Variants in TEAD1 observed in about 807,000 individuals in gnomAD.
The protein encoded by TEAD1 is transcriptional enhancer factor TEF-1.
A neutral mutation model predicts 54.9 loss-of-function variants in TEAD1; 9 were observed. The observed-to-expected ratio is 0.16, with a 90% CI of 0.10 to 0.29. The LOEUF (loss-of-function observed/expected upper bound fraction) is 0.29, where lower values mean the gene tolerates loss of function less well. Among genes scored for constraint, TEAD1 ranks in the 10% least tolerant of loss-of-function variants. The pLI is 1.00. For synonymous variants in TEAD1, 200 were observed against 187.8 expected, an observed-to-expected ratio of 1.07 and a Z score of -0.53; for missense variants, 387 against 535.9, an observed-to-expected ratio of 0.72 and a Z score of 2.74.
chr11:12,787,503 T>C, intron 3 of TEAD1, among the ~76,000 whole-genome samples: 1 of 152,164 alleles, frequency 6.6e-6, no homozygotes, highest in East Asian at 1.9e-4. Flanking sequence ...TAAAAATACA[T>C]CATTTTTTGA....
intron 2 of TEAD1, among the ~76,000 whole-genome samples, chr11:12,714,192 A>G (rs1269054980): frequency 6.6e-6 from 1 of 152,024 alleles, no homozygotes. Context: ...GAAGGTTCCC[A>G]AGCAGTCACA....
rs533011981 is a variant in TEAD1, at chr11:12,772,891, G to A, written c.202+8457G>A. ...TCTTGTGCAGGTTCATGTCTCCACC[G>A]CCACAATCAGAATACAGAACAGCTC... On this transcript the variant is annotated intron_variant, in intron 3 of 12. Coordinates refer to ENST00000527636, the MANE Select transcript of TEAD1 (RefSeq NM_021961.6). Among the ~76,000 whole-genome samples the A allele has an allele frequency of 2.3e-4, 35 of 152,224 alleles. 1 individual carries two copies. Among genetic ancestry groups the A allele is most frequent in the African/African-American group, 3.9e-4 (16 of 41,530 alleles).
At position 12,913,496 on chromosome 11, in the gene TEAD1, A is replaced by G. The variant is rs149828032; in HGVS notation, c.873+11383A>G. 3.3e-5 allele frequency among the ~76,000 whole-genome samples: 5 copies of G among 152,316 alleles called. No homozygotes were observed. The East Asian group carries it at 5.8e-4, about 18-fold the overall frequency. ...TTTACTAAAAAGGGATTATGCTCCA[A>G]GTGTTTCCTGCAACTTCATTTTCCC... On this transcript the variant is annotated intron_variant, in intron 10 of 12. Transcript: ENST00000527636.
chr11:12,898,951 A>C (rs920747803), intron 9 of TEAD1, among the ~76,000 whole-genome samples: 1 of 152,106 alleles, frequency 6.6e-6, no homozygotes. Context: ...TGACCTGTAG[A>C]TGTCAGGGCC....
chr11:12,723,608 C>T (rs1309180707), intron 2 of TEAD1, among the ~76,000 whole-genome samples: 14 of 152,126 alleles, frequency 9.2e-5, no homozygotes, highest in Non-Finnish European at 1.8e-4. Flanking sequence ...TGTTCTTTCC[C>T]TCTACCATCC....
chr11:12,859,750 G>A (rs1418891532), intron 3 of TEAD1, among the ~76,000 whole-genome samples: 9 of 152,118 alleles, frequency 5.9e-5, no homozygotes, highest in Admixed American at 5.9e-4. Context: ...GGGATGAAAT[G>A]GAGTAGAAAA....
chr11:12,852,980 T>G (rs1354430787), intron 3 of TEAD1, among the ~76,000 whole-genome samples: 21 of 152,242 alleles, frequency 1.4e-4, no homozygotes, highest in Admixed American at 1.4e-3. Flanking sequence ...ACTAAGTGAC[T>G]TGTTTTTAAT....
In TEAD1 at chr11:12,944,674, C is replaced by G. The variant is rs1466624935; in HGVS notation, c.*7452C>G. ...TGATAAAGTGGTAGACATTTTGTAG[C>G]TTTCTAGAAACTTTGTATTCATACG... On this transcript the variant is annotated 3_prime_UTR_variant, in exon 13 of 13. Transcript: ENST00000527636. Among the ~76,000 whole-genome samples the G allele has an allele frequency of 6.6e-6, 1 of 152,068 alleles. No homozygotes were observed. The highest frequency in any genetic ancestry group is 1.5e-5 in the Non-Finnish European group (1 of 68,018).
chr11:12,930,461 C>A, intron 12 of TEAD1, 135 bp downstream of exon 12: 1 of 1,062,728 alleles, frequency 9.4e-7, no homozygotes, highest in Non-Finnish European at 1.4e-6. Flanking sequence ...TCCTAGTGGT[C>A]AGTCAGCAGT....
At chr11:12,702,702 G>A (rs1943728360) in intron 2 of TEAD1, among the ~76,000 whole-genome samples, 1 of 151,964 alleles carries the variant, frequency 6.6e-6, no homozygotes, top group Non-Finnish European at 1.5e-5. Flanking sequence ...TTCCCTGGAA[G>A]CTACTTCCGT....
At chr11:12,715,610 G>T (rs985363395) in intron 2 of TEAD1, among the ~76,000 whole-genome samples, 13 of 152,134 alleles carry the variant, frequency 8.5e-5, no homozygotes, top group African/African-American at 2.9e-4. Flanking sequence ...AGGCCTACTG[G>T]CATGGAGACC....
chr11:12,715,040 A>G (rs1944026665), intron 2 of TEAD1, among the ~76,000 whole-genome samples: 1 of 152,168 alleles, frequency 6.6e-6, no homozygotes, highest in Non-Finnish European at 1.5e-5. Flanking sequence ...AAGTGTCAGT[A>G]TGTGTCAGGC....
intron 2 of TEAD1, among the ~76,000 whole-genome samples, chr11:12,760,750 G>T (rs1353477879): frequency 6.6e-6 from 1 of 152,180 alleles, no homozygotes; most frequent in Non-Finnish European, 1.5e-5. Context: ...TACTCTCAGA[G>T]CCTGTAGATA....
intron 2 of TEAD1, among the ~76,000 whole-genome samples, chr11:12,701,671 A>T (rs1036091697): frequency 6.6e-6 from 1 of 152,122 alleles, no homozygotes; most frequent in African/African-American, 2.4e-5. Context: ...ACTGCAGGCT[A>T]GTGGGAAAAG....
intron 4 of TEAD1, among the ~76,000 whole-genome samples, chr11:12,863,849 T>A (rs934884883): frequency 4.6e-5 from 7 of 152,146 alleles, no homozygotes; most frequent in African/African-American, 1.7e-4. Context: ...CTCGGCTACA[T>A]TTCCACGCCC....
Position 12,816,943 on chromosome 11 carries a change from C to T in TEAD1, c.203-45307C>T, listed in dbSNP as rs145530797. ...CATCAGGGCAGCATGTGCAGAGGCCCGCTGGTTTGGAATAGTGTTTCTTTC... is the reference window on the plus strand; with the variant it reads ...CATCAGGGCAGCATGTGCAGAGGCCTGCTGGTTTGGAATAGTGTTTCTTTC... On this transcript the variant is annotated intron_variant, in intron 3 of 12. Coordinates refer to ENST00000527636, the MANE Select transcript of TEAD1 (RefSeq NM_021961.6). Among the ~76,000 whole-genome samples, 161 of 152,246 alleles carry T rather than the reference C, an allele frequency of 1.1e-3. 1 individual carries two copies. The highest frequency in any genetic ancestry group is 3.6e-3 in the African/African-American group (151 of 41,522).
chr11:12,791,882 A>T lies in TEAD1; in HGVS notation c.202+27448A>T, dbSNP rs953732228. On this transcript the variant is annotated intron_variant, in intron 3 of 12. Transcript: ENST00000527636. ...GTAGAACATAGGTGAAATGTTTATT[A>T]TATGCAAAACAAGTTAAACCAAAAC... 5.3e-5 allele frequency among the ~76,000 whole-genome samples: 8 copies of T among 152,224 alleles called. No individual in the cohort carries two copies. The East Asian group carries it at 1.2e-3, about 22-fold the overall frequency.
intron 10 of TEAD1, among the ~76,000 whole-genome samples, chr11:12,911,835 G>C (rs1948623909): frequency 6.6e-6 from 1 of 152,140 alleles, no homozygotes; most frequent in South Asian, 2.1e-4. Flanking sequence ...TGCTGCTTGG[G>C]ATTGCTCCTT....
intron 2 of TEAD1, among the ~76,000 whole-genome samples, chr11:12,693,677 CGTTGTCCTCCT>C (rs909850796): frequency 7.2e-5 from 11 of 152,164 alleles, no homozygotes; most frequent in Admixed American, 7.2e-4. Context: ...TTTCGGTAAC[CGTTGTCCTCCT>C]GTTTATTTTG....
Sources: gnomAD v4.1 joint callset for allele counts (sites outside exome capture counted in the v4.1 genomes callset) on GRCh38, gnomAD v4.1.1 for gene constraint, MANE v1.5 for transcripts, NCBI Gene and HGNC (gene_info 2026-07-23, HGNC 2026-07-21) for gene names.